The following MEGF6 variants were observed in gnomAD, a reference collection of about 807,000 sequenced individuals.
MEGF6 encodes the protein multiple epidermal growth factor-like domains protein 6.
In MEGF6, 184 loss-of-function variants were observed where a neutral mutation model predicts 207.1. The ratio of observed to expected loss-of-function variants is 0.89; its 90% CI spans 0.79 to 1.00. The LOEUF (loss-of-function observed/expected upper bound fraction) is 1.00, where lower values mean the gene tolerates loss of function less well. Among genes scored for constraint, MEGF6 ranks in the 50% least tolerant of loss-of-function variants. The probability of loss-of-function intolerance (pLI) is 0.00; values close to 1 mark genes in which losing one functional copy is unlikely to be tolerated. For synonymous variants in MEGF6, 1,038 were observed against 910.0 expected, an observed-to-expected ratio of 1.14 and a Z score of -2.53; for missense variants, 2,282 against 2,202.9, an observed-to-expected ratio of 1.04 and a Z score of -0.72.
chr1:3,504,627 G>A (rs1326979549), intron 17 of MEGF6, among the ~76,000 whole-genome samples: 2 of 152,076 alleles, frequency 1.3e-5, no homozygotes, highest in African/African-American at 4.8e-5. Context: ...GAATACCTAA[G>A]CATGGACTCC....
chr1:3,600,591 G>A (rs11589163), intron 2 of MEGF6, among the ~76,000 whole-genome samples: 276 of 152,318 alleles, frequency 1.8e-3, no homozygotes, highest in African/African-American at 5.0e-3. Context: ...AAGTCTTGCC[G>A]CGTGGAGTGA....
upstream of MEGF6, among the ~76,000 whole-genome samples, chr1:3,611,782 C>G (rs1036720307): frequency 2.0e-5 from 3 of 151,430 alleles, no homozygotes; most frequent in Non-Finnish European, 3.0e-5. Context: ...AGTCCCGCCC[C>G]AGACCCCGCG....
chr1:3,548,600 T>C (rs1642790090), intron 4 of MEGF6, among the ~76,000 whole-genome samples: 1 of 152,184 alleles, frequency 6.6e-6, no homozygotes, highest in African/African-American at 2.4e-5. Context: ...CCTCCTCTGG[T>C]GTGGGGCAGG....
In MEGF6 at chr1:3,597,949, G is replaced by C. The variant is rs375321280; in HGVS notation, c.267-2502C>G. Among the ~76,000 whole-genome samples the C allele has an allele frequency of 3.3e-5, 5 of 152,364 alleles. No homozygotes were observed. The East Asian group carries it at 9.7e-4, about 29-fold the overall frequency. On this transcript the variant is annotated intron_variant, in intron 2 of 36. Coordinates refer to ENST00000356575, the MANE Select transcript of MEGF6 (RefSeq NM_001409.4). ...GGCCTTTGTGTTTGCAAGGACAACT[G>C]CTCACGTGCATGTGAGCAGCGGGAG...
chr1:3,588,506 G>GGA (rs1643929375), intron 3 of MEGF6, among the ~76,000 whole-genome samples: 4 of 94,132 alleles, frequency 4.2e-5, no homozygotes, highest in African/African-American at 1.7e-4. Flanking sequence ...GCAGGACAGG[G>GGA]CAGGAGGGGA....
chr1:3,502,506 A>G, intron 17 of MEGF6, among the ~76,000 whole-genome samples: 1 of 151,924 alleles, frequency 6.6e-6, no homozygotes. Context: ...CCACCCGCAG[A>G]GTCACTGCCC....
intron 3 of MEGF6, among the ~76,000 whole-genome samples, chr1:3,584,935 G>A (rs1643871494): frequency 6.6e-6 from 1 of 152,270 alleles, no homozygotes; most frequent in South Asian, 2.1e-4. Context: ...ACCCTACAGG[G>A]CAGCTCTTGT....
chr1:3,508,167 C>A (rs1301236367), intron 13 of MEGF6, among the ~76,000 whole-genome samples: 1 of 152,134 alleles, frequency 6.6e-6, no homozygotes, highest in African/African-American at 2.4e-5. Flanking sequence ...ACAGGCAGAG[C>A]CTCACTGACA....
upstream of MEGF6, among the ~76,000 whole-genome samples, chr1:3,611,700 C>A (rs1644329977): frequency 7.0e-6 from 1 of 142,658 alleles, no homozygotes; most frequent in African/African-American, 2.6e-5. Flanking sequence ...TCACCCCAGC[C>A]CGGCTCCTGC....
chr1:3,594,255 C>T lies in MEGF6; in HGVS notation c.376+1083G>A, dbSNP rs1430635265. Among the ~76,000 whole-genome samples, 1 of 152,112 alleles carries T rather than the reference C, an allele frequency of 6.6e-6. No homozygotes were observed. The highest frequency in any genetic ancestry group is 1.9e-4 in the East Asian group (1 of 5,182). On this transcript the variant is annotated intron_variant, in intron 3 of 36. Transcript: ENST00000356575. The surrounding 1 kb of genome is among the most constrained non-coding windows in gnomAD (Gnocchi z 4.2). ...ACCAGCCTGGGCAACATGGTGAGAC[C>T]CTGTCTCTACAAAAAATACAATAAT...
In MEGF6 at chr1:3,493,775, G is replaced by C; in HGVS notation, c.4383C>G (p.Asn1461Lys). ...CPPGRSGATC[N>K]LDCRRGQFGP... is the part of the protein sequence containing the mutation. Reference sequence around the variant, plus strand: ...TGGGCAGGACCCCAGACTCACCCAGGTTACAGGTGGCTCCTGAGCGCCCTG... The same window carrying C: ...TGGGCAGGACCCCAGACTCACCCAGCTTACAGGTGGCTCCTGAGCGCCCTG... Residue 1461 changes from asparagine to lysine, a missense_variant, in exon 34 of 37, where the codon AAC (asparagine) becomes AAG (lysine). By Grantham distance (94) the Asn-to-Lys change is moderately conservative. Coordinates refer to ENST00000356575, the MANE Select transcript of MEGF6 (RefSeq NM_001409.4). 6.2e-7 allele frequency: 1 copy of C among 1,612,146 alleles called. No homozygotes were observed. Among genetic ancestry groups the C allele is most frequent in the Non-Finnish European group, 8.5e-7 (1 of 1,179,570 alleles).
At chr1:3,606,789 CG>C (rs1005444319) in intron 1 of MEGF6, among the ~76,000 whole-genome samples, 2 of 152,152 alleles carry the variant, frequency 1.3e-5, no homozygotes, top group Non-Finnish European at 2.9e-5. Flanking sequence ...AAACGGAAGC[CG>C]GGGGGAATAG....
In MEGF6 at chr1:3,495,907, C is replaced by G. The variant is rs1428073698; in HGVS notation, c.3854G>C (p.Gly1285Ala). Residue 1285 changes from glycine to alanine, a missense_variant, in exon 30 of 37, where the codon GGC (glycine) becomes GCC (alanine). Gly to Ala is a moderately conservative substitution (Grantham distance 60). Coordinates refer to ENST00000356575, the MANE Select transcript of MEGF6 (RefSeq NM_001409.4). ...GTCLCPPGRA[G>A]VRCERGCPQN... ...ACACTCACCTCGCTCACAGCGGACG[C>G]CGGCTCTCCCCGGGGGGCAGAGGCA... is the stretch of plus-strand genomic sequence containing the variant. 1.3e-6 allele frequency: 2 copies of G among 1,597,896 alleles called. No individual in the cohort carries two copies. Among genetic ancestry groups the G allele is most frequent in the African/African-American group, 2.7e-5 (2 of 74,900 alleles).
chr1:3,542,579 T>G (rs4520356), intron 4 of MEGF6, among the ~76,000 whole-genome samples: 1 of 151,964 alleles, frequency 6.6e-6, no homozygotes, highest in African/African-American at 2.4e-5. Context: ...GAGGGGAAGA[T>G]GGGCCACACG....
the MEGF6 span, among the ~76,000 whole-genome samples, chr1:3,616,881 G>A: frequency 6.6e-6 from 1 of 152,226 alleles, no homozygotes; most frequent in Non-Finnish European, 1.5e-5. Context: ...TTCCTTCCTG[G>A]TTCTGTGCCT....
chr1:3,494,111 G>T lies in MEGF6; in HGVS notation c.4143C>A (p.Gly1381=), dbSNP rs764613386. The T allele has an allele frequency of 6.4e-7, 1 of 1,573,704 alleles. No homozygotes were observed. The highest frequency in any genetic ancestry group is 8.6e-7 in the Non-Finnish European group (1 of 1,158,910). Residue 1381 remains glycine, a synonymous_variant, in exon 33 of 37, where the codon GGC becomes GGA. Coordinates refer to ENST00000356575, the MANE Select transcript of MEGF6 (RefSeq NM_001409.4). ...GQACEHPCPP[G]FHGAGCQGLC... ...ACCCCTGGCAGCCAGCCCCGTGGAA[G>T]CCAGGGGGACAGGCTGAAGGACGCC...
At position 3,514,536 on chromosome 1, in the gene MEGF6, G is replaced by C. The variant is rs944932210; in HGVS notation, c.853+14C>G. ...TGACCCTGGGCGGGGCGGAGCAGGGGAGGGGCGTCCTACCTTCACAGGCCT... is the reference window on the plus strand; with the variant it reads ...TGACCCTGGGCGGGGCGGAGCAGGGCAGGGGCGTCCTACCTTCACAGGCCT... On this transcript the variant is annotated intron_variant, in intron 7 of 36. Coordinates refer to ENST00000356575, the MANE Select transcript of MEGF6 (RefSeq NM_001409.4). 3.8e-6 allele frequency: 6 copies of C among 1,585,844 alleles called. No individual in the cohort carries two copies. The highest frequency in any genetic ancestry group is 5.1e-6 in the Non-Finnish European group (6 of 1,169,740).
intron 4 of MEGF6, among the ~76,000 whole-genome samples, chr1:3,572,846 TTCCTGGGTGTGCTGGGTTC>T (rs1159813813): frequency 3.9e-5 from 5 of 127,446 alleles, no homozygotes; most frequent in African/African-American, 3.0e-5. Context: ...TGCTGGGTCC[TTCCTGGGTGTGCTGGGTTC>T]TCCTGGGTGT....
the MEGF6 span, among the ~76,000 whole-genome samples, chr1:3,620,016 A>G: frequency 6.6e-6 from 1 of 152,148 alleles, no homozygotes; most frequent in African/African-American, 2.4e-5. Context: ...ACTTACTGGG[A>G]ACTGGAGCAA....
Sources: gnomAD v4.1 joint callset for allele counts (sites outside exome capture counted in the v4.1 genomes callset) on GRCh38, gnomAD v4.1.1 for gene constraint, Gnocchi (gnomAD v3.1) non-coding constraint, MANE v1.5 for transcripts, NCBI Gene and HGNC (gene_info 2026-07-23, HGNC 2026-07-21) for gene names.